CSMD1: variants seen among roughly 807,000 people sequenced by gnomAD.
CSMD1 encodes the protein CUB and Sushi multiple domains 1.
A neutral mutation model predicts 417.5 loss-of-function variants in CSMD1; 213 were observed. That is an observed-to-expected ratio of 0.51 (90% CI 0.46 to 0.57). CSMD1 has a LOEUF of 0.57. Ranked by LOEUF, CSMD1 falls within the 20% of genes least tolerant of loss-of-function variation. The probability of loss-of-function intolerance (pLI) is 0.00; values close to 1 mark genes in which losing one functional copy is unlikely to be tolerated. For missense variants in CSMD1, 6,923 were observed against 4,529.7 expected, an observed-to-expected ratio of 1.53 and a Z score of -15.17; for synonymous variants, 2,862 against 1,736.8, an observed-to-expected ratio of 1.65 and a Z score of -16.11.
intron 40 of CSMD1, among the ~76,000 whole-genome samples, 198 bp from the exon 41 acceptor site, chr8:3,142,872 T>A (rs1818590426): frequency 1.3e-5 from 2 of 152,224 alleles, no homozygotes; most frequent in Admixed American, 1.3e-4. Flanking sequence ...TTTTGCCGCA[T>A]GGTCTTTTTC....
chr8:4,781,829 G>C (rs554062789), intron 1 of CSMD1, among the ~76,000 whole-genome samples: 3 of 152,258 alleles, frequency 2.0e-5, no homozygotes, highest in Admixed American at 2.0e-4. Flanking sequence ...CATCATTCAC[G>C]ATGACGGTTC....
intron 12 of CSMD1, among the ~76,000 whole-genome samples, chr8:3,434,210 C>A (rs1436020554): frequency 4.6e-5 from 7 of 152,166 alleles, no homozygotes; most frequent in African/African-American, 9.7e-5. Context: ...TTTATGCCAG[C>A]GTCCTTTCAG....
chr8:3,491,774 A>T (rs1818393878), intron 11 of CSMD1, among the ~76,000 whole-genome samples: 1 of 152,202 alleles, frequency 6.6e-6, no homozygotes, highest in South Asian at 2.1e-4. Flanking sequence ...ACTAGCATGG[A>T]AATATGGGAT....
intron 7 of CSMD1, among the ~76,000 whole-genome samples, chr8:3,623,519 G>T (rs574502542): frequency 6.6e-6 from 1 of 152,098 alleles, no homozygotes; most frequent in African/African-American, 2.4e-5. Flanking sequence ...CAAATGAAGC[G>T]CTAAAAATAA....
chr8:4,521,999 AAATC>A (rs1803477507), intron 2 of CSMD1, among the ~76,000 whole-genome samples: 1 of 152,162 alleles, frequency 6.6e-6, no homozygotes, highest in Admixed American at 6.6e-5. Context: ...TAAATTTTGA[AAATC>A]AAGTGAACTG....
At chr8:4,607,911 G>C (rs1800965178) in intron 2 of CSMD1, among the ~76,000 whole-genome samples, 1 of 152,126 alleles carries the variant, frequency 6.6e-6, no homozygotes, top group Non-Finnish European at 1.5e-5. Flanking sequence ...TCAAGAGCTT[G>C]GACACTGGCT....
chr8:3,208,806 T>A (rs972734459), intron 30 of CSMD1, among the ~76,000 whole-genome samples: 4 of 152,246 alleles, frequency 2.6e-5, no homozygotes, highest in African/African-American at 7.2e-5. Flanking sequence ...CCAGCCTACA[T>A]CTTTCTCCTG....
intron 5 of CSMD1, among the ~76,000 whole-genome samples, chr8:3,881,241 G>C (rs868616563): frequency 1.5e-5 from 2 of 134,724 alleles, no homozygotes; most frequent in Middle Eastern, 3.5e-3. Flanking sequence ...AACCTCAACA[G>C]AGTTTTGTTT....
intron 1 of CSMD1, among the ~76,000 whole-genome samples, chr8:4,789,203 A>G (rs1191951678): frequency 6.6e-6 from 1 of 152,214 alleles, no homozygotes; most frequent in African/African-American, 2.4e-5. Context: ...TTCAATAAAT[A>G]TTATTTGTAG....
rs544653500 is a variant in CSMD1 at position 3,583,521 on chromosome 8, C to T, written c.1222+2615G>A. ...ATTAGGTAGGAAGCAGGGTGTTCAG[C>T]GACAAACACAGATGGACAGCTAAGG... On this transcript the variant is annotated intron_variant, in intron 9 of 69. Transcript: ENST00000635120. 3.3e-5 allele frequency among the ~76,000 whole-genome samples: 5 copies of T among 152,002 alleles called. No individual in the cohort carries two copies. In the East Asian group the frequency reaches 5.8e-4, roughly 18 times the overall value.
chr8:4,177,395 A>T (rs1397553929), intron 3 of CSMD1, among the ~76,000 whole-genome samples: 1 of 152,102 alleles, frequency 6.6e-6, no homozygotes, highest in Non-Finnish European at 1.5e-5. Flanking sequence ...GAACAAAGAC[A>T]CAACATACCA....
At chr8:4,849,592 C>G (rs1309758836) in intron 1 of CSMD1, among the ~76,000 whole-genome samples, 2 of 151,972 alleles carry the variant, frequency 1.3e-5, no homozygotes, top group Non-Finnish European at 2.9e-5. Context: ...TCTTTTATAC[C>G]ATAATTTTAG....
chr8:3,873,268 G>C (rs772664792), intron 5 of CSMD1, among the ~76,000 whole-genome samples: 1 of 152,062 alleles, frequency 6.6e-6, no homozygotes, highest in Non-Finnish European at 1.5e-5. Context: ...GTTCACTGCA[G>C]CTCTATTCAC....
intron 11 of CSMD1, among the ~76,000 whole-genome samples, chr8:3,474,819 G>C (rs576398142): frequency 1.3e-5 from 2 of 152,148 alleles, no homozygotes; most frequent in South Asian, 2.1e-4. Context: ...TTTTCCCCAA[G>C]TTGACTCTAT....
intron 25 of CSMD1, among the ~76,000 whole-genome samples, chr8:3,293,873 A>AG (rs1253544590): frequency 6.6e-6 from 1 of 152,066 alleles, no homozygotes. Context: ...GCTGGTGAGG[A>AG]GCTGTGTTCC....
At chr8:3,818,555 G>C (rs958487534) in intron 5 of CSMD1, among the ~76,000 whole-genome samples, 1 of 152,132 alleles carries the variant, frequency 6.6e-6, no homozygotes, top group Non-Finnish European at 1.5e-5. Flanking sequence ...CAGGAGACTA[G>C]CCAGCATGAA....
intron 4 of CSMD1, among the ~76,000 whole-genome samples, chr8:4,022,258 T>C (rs1325325518): frequency 6.6e-6 from 1 of 150,866 alleles, no homozygotes; most frequent in East Asian, 1.9e-4. Flanking sequence ...TGCCTCACTA[T>C]TCATTTGCTT....
intron 3 of CSMD1, among the ~76,000 whole-genome samples, chr8:4,078,902 T>TGC (rs1799975271): frequency 5.6e-5 from 1 of 17,862 alleles, no homozygotes; most frequent in Admixed American, 7.1e-4. Context: ...AATAAATATA[T>TGC]ATATATATAT....
intron 50 of CSMD1, among the ~76,000 whole-genome samples, chr8:3,047,247 CT>C (rs1404052216): frequency 4.8e-5 from 7 of 146,064 alleles, no homozygotes; most frequent in Non-Finnish European, 1.1e-4. Flanking sequence ...AAGAGTTGCT[CT>C]GATTTTCCTC....
Sources: allele counts gnomAD v4.1 joint callset (sites outside exome capture counted in the v4.1 genomes callset), GRCh38; gene constraint gnomAD v4.1.1; transcripts MANE v1.5; gene names NCBI Gene and HGNC (gene_info 2026-07-23, HGNC 2026-07-21).